TNNT2: variants seen among roughly 807,000 people sequenced by gnomAD.
TNNT2 encodes the protein troponin T, cardiac muscle.
TNNT2 carries 34 observed loss-of-function variants against 62.4 expected under a neutral mutation model. The observed-to-expected ratio is 0.54, with a 90% CI of 0.41 to 0.72. The LOEUF (loss-of-function observed/expected upper bound fraction) is 0.72, where lower values mean the gene tolerates loss of function less well. Ranked by LOEUF, TNNT2 falls within the 30% of genes least tolerant of loss-of-function variation. TNNT2 has a pLI of 0.00. For missense variants in TNNT2, 275 were observed against 381.9 expected (o/e 0.72, Z 2.33); for synonymous variants, 123 against 127.2 (o/e 0.97, Z 0.22).
In TNNT2 at chr1:201,372,053, A is replaced by T. The variant is rs77173830; in HGVS notation, c.53-12T>A. The T allele has an allele frequency of 7.9e-7, 1 of 1,267,138 alleles. No homozygotes were observed. The highest frequency in any genetic ancestry group is 1.1e-6 in the Non-Finnish European group (1 of 924,604). The allele number at this position is 1,267,138 out of a possible 1,614,324, so 78.5% of individuals were successfully genotyped here. ...TTCAACAGCTGCTTCTGCTCAGAAG[A>T]GAAGTCCAGGCAGCAAGAGAAGAGA... is the stretch of plus-strand genomic sequence containing the variant. On this transcript the variant is annotated splice_polypyrimidine_tract_variant and intron_variant, in intron 3 of 16. Transcript: ENST00000656932.
chr1:201,368,899 A>T (rs1660149528), intron 5 of TNNT2, among the ~76,000 whole-genome samples: 1 of 152,160 alleles, frequency 6.6e-6, no homozygotes, highest in Non-Finnish European at 1.5e-5. Flanking sequence ...GGAGGAAGAC[A>T]CCATCGTGGG....
At chr1:201,363,744 G>C in intron 11 of TNNT2, 1 of 411,222 alleles carries the variant, frequency 2.4e-6, no homozygotes, top group South Asian at 2.3e-5. Flanking sequence ...GTCTGCACTG[G>C]GGAAGGGATG....
In TNNT2 at chr1:201,361,901, C is replaced by T. The variant is rs1558220283; in HGVS notation, c.719+12G>A. 6.2e-7 allele frequency: 1 copy of T among 1,613,146 alleles called. No homozygotes were observed. The highest frequency in any genetic ancestry group is 2.2e-5 in the East Asian group (1 of 44,866). Reference sequence around the variant, plus strand: ...CGGGCAGTGCCCCAGGACCATTCCTCCCAGCCCCCACCTCAGCTGATCTTC... The same window carrying T: ...CGGGCAGTGCCCCAGGACCATTCCTTCCAGCCCCCACCTCAGCTGATCTTC... On this transcript the variant is annotated intron_variant, in intron 14 of 16. Transcript: ENST00000656932.
chr1:201,368,383 A>T (rs1428487081), intron 5 of TNNT2, 156 bp from the exon 6 acceptor site: 1 of 778,410 alleles, frequency 1.3e-6, no homozygotes, highest in South Asian at 1.5e-5. Flanking sequence ...GGGGGCTGCC[A>T]TTCTTGGTTT....
chr1:201,363,155 T>C (rs1192461089), intron 12 of TNNT2, 141 bp downstream of exon 12: 2 of 1,567,668 alleles, frequency 1.3e-6, no homozygotes, highest in Non-Finnish European at 1.7e-6. Flanking sequence ...GGGCTGGGCA[T>C]GAGGAGACCT....
rs1660053113 is a variant in TNNT2 at position 201,368,314 on chromosome 1, G to A, written c.98-87C>T. On this transcript the variant is annotated intron_variant, in intron 5 of 16. Transcript: ENST00000656932. ...CAGAGCAGAGAATGGGCAGCGGGGA[G>A]TGGGGATGGGGGTCAAGACGTCTAG... is the stretch of plus-strand genomic sequence containing the variant. 9 of 1,380,348 alleles carry A rather than the reference G, an allele frequency of 6.5e-6. No homozygotes were observed. The Admixed American group carries it at 9.0e-5, about 14-fold the overall frequency. The allele number at this position is 1,380,348 out of a possible 1,614,324, so 85.5% of individuals were successfully genotyped here. A position where few individuals can be genotyped will look rare whatever the true frequency, so the allele number is the denominator to read the frequency against.
chr1:201,368,838 G>A (rs1660142490), intron 5 of TNNT2, among the ~76,000 whole-genome samples: 2 of 152,212 alleles, frequency 1.3e-5, no homozygotes, highest in South Asian at 4.1e-4. Context: ...GTTCACTGAT[G>A]CACTGGGAAG....
intron 4 of TNNT2, among the ~76,000 whole-genome samples, chr1:201,371,361 G>T (rs1660582411): frequency 6.6e-6 from 1 of 152,230 alleles, no homozygotes; most frequent in African/African-American, 2.4e-5. Flanking sequence ...CAGCATAGGA[G>T]CAGCAAGAGG....
Position 201,361,375 on chromosome 1 carries a change from C to T in TNNT2, c.720-6G>A, listed in dbSNP as rs113471285. ...ACAGCTCCTTGGCCTTCTCCCTGCA[C>T]GGGCAAGGGTGAGAATGGGGAGGTC... On this transcript the variant is annotated splice_region_variant and splice_polypyrimidine_tract_variant and intron_variant, in intron 14 of 16. Transcript: ENST00000656932. 60 of 1,613,614 alleles carry T rather than the reference C, an allele frequency of 3.7e-5. 2 individuals carry two copies. Among genetic ancestry groups the T allele is most frequent in the African/African-American group, 2.0e-4 (15 of 75,018 alleles).
chr1:201,373,945 G>T (rs930746643), intron 1 of TNNT2: 1 of 155,852 alleles, frequency 6.4e-6, no homozygotes, highest in Non-Finnish European at 1.4e-5. Flanking sequence ...CTGGACAAAT[G>T]AGTGAGAACT....
chr1:201,360,077 A>G (rs1658331783), intron 15 of TNNT2, among the ~76,000 whole-genome samples: 1 of 152,072 alleles, frequency 6.6e-6, no homozygotes, highest in South Asian at 2.1e-4. Context: ...TAGCATCCCC[A>G]TGCACCACCC....
At position 201,359,177 on chromosome 1, in the gene TNNT2, G is replaced by A. The variant is rs764761207; in HGVS notation, c.*33C>T. The A allele has an allele frequency of 3.8e-5, 61 of 1,601,464 alleles. No individual in the cohort carries two copies. The highest frequency in any genetic ancestry group is 6.7e-5 in the African/African-American group (5 of 74,890). ...GTGCAGGCCGGAGGCAGGTGCGAGC[G>A]AGGAGCAGATCTTTGGTGAAGGAGG... On this transcript the variant is annotated 3_prime_UTR_variant, in exon 17 of 17. Coordinates refer to ENST00000656932, the MANE Select transcript of TNNT2 (RefSeq NM_001276345.2).
intron 3 of TNNT2, 47 bp downstream of exon 3, chr1:201,372,098 G>A (rs770210070): frequency 8.7e-6 from 14 of 1,614,088 alleles, no homozygotes; most frequent in East Asian, 2.2e-5. Flanking sequence ...GGTCAGTTTC[G>A]AACCAGGCTG....
At chr1:201,366,601 C>T (rs1659707398) in intron 8 of TNNT2, 1 of 1,421,284 alleles carries the variant, frequency 7.0e-7, no homozygotes, top group African/African-American at 1.4e-5. Flanking sequence ...AAGAACATAG[C>T]CCCATCCCTG....
chr1:201,375,762 G>A (rs951593461), intron 1 of TNNT2, among the ~76,000 whole-genome samples: 2 of 152,192 alleles, frequency 1.3e-5, no homozygotes, highest in African/African-American at 4.8e-5. Context: ...CAGAGGAACC[G>A]TGCATGGCCA....
Position 201,361,317 on chromosome 1 carries a change from A to G in TNNT2, c.772T>C (p.Phe258Leu), listed in dbSNP as rs730881110. Residue 258 changes from phenylalanine (F) to leucine (L), a missense_variant, in exon 15 of 17, where the codon TTC (phenylalanine) becomes CTC (leucine). By Grantham distance (22) the Phe-to-Leu change is conservative (BLOSUM62 0). Transcript: ENST00000656932. ...QSIYNLEAEK[F>L]DLQEKFKQQK... ...TGCTTGAACTTCTCCTGCAGGTCGA[A>G]CTTCTCTGCCTCCAAGTTATAGATG... 6.2e-7 allele frequency: 1 copy of G among 1,614,102 alleles called. No individual in the cohort carries two copies. The highest frequency in any genetic ancestry group is 8.5e-7 in the Non-Finnish European group (1 of 1,179,990).
At chr1:201,376,261 T>G (rs1190546198) in intron 1 of TNNT2, among the ~76,000 whole-genome samples, 3 of 152,138 alleles carry the variant, frequency 2.0e-5, no homozygotes, top group Non-Finnish European at 4.4e-5. Context: ...ATACTGACCT[T>G]GGGGTCAAAA....
intron 6 of TNNT2, 36 bp downstream of exon 6, chr1:201,368,126 C>A (rs1031661954): frequency 6.2e-7 from 1 of 1,608,652 alleles, no homozygotes; most frequent in African/African-American, 1.3e-5. Flanking sequence ...CTCTCGCCAC[C>A]CCCTGAGGCC....
chr1:201,359,737 G>C lies in TNNT2; in HGVS notation c.811-74C>G, dbSNP rs942218410. On this transcript the variant is annotated intron_variant, in intron 15 of 16. Coordinates refer to ENST00000656932, the MANE Select transcript of TNNT2 (RefSeq NM_001276345.2). ...TCAGGTCCCAGGTGGCCTGGGGATG[G>C]GGAGAAGGGGGCTGAGTGCAGCAGT... 3.1e-6 allele frequency: 4 copies of C among 1,303,206 alleles called. No individual in the cohort carries two copies. In the African/African-American group the frequency reaches 6.0e-5, roughly 19 times the overall value. The allele number at this position is 1,303,206 out of a possible 1,614,324, so 80.7% of individuals were successfully genotyped here.
Sources: gnomAD v4.1 joint callset for allele counts (sites outside exome capture counted in the v4.1 genomes callset) on GRCh38, gnomAD v4.1.1 for gene constraint, MANE v1.5 for transcripts, NCBI Gene and HGNC (gene_info 2026-07-23, HGNC 2026-07-21) for gene names.